CHST9: variants seen among roughly 807,000 people sequenced by gnomAD.
CHST9 encodes the protein GalNAc-4-sulfotransferase 2.
CHST9 carries 41 observed loss-of-function variants against 44.4 expected under a neutral mutation model. The observed-to-expected ratio is 0.92, with a 90% CI of 0.72 to 1.20. The LOEUF is 1.20. Ranked by LOEUF, CHST9 falls within the 50% of genes most tolerant of loss-of-function variation. CHST9 has a pLI of 0.00. For missense variants in CHST9, 504 were observed against 516.5 expected, an observed-to-expected ratio of 0.98 and a Z score of 0.23; for synonymous variants, 171 against 178.4, an observed-to-expected ratio of 0.96 and a Z score of 0.33.
intron 1 of CHST9, among the ~76,000 whole-genome samples, chr18:27,173,873 T>G (rs549010732): frequency 7.7e-4 from 117 of 152,158 alleles, no homozygotes; most frequent in Middle Eastern, 3.4e-3. Context: ...AAGTGGCATA[T>G]AATCTCTTTA....
At chr18:26,982,225 G>C (rs1367558344) in intron 4 of CHST9, among the ~76,000 whole-genome samples, 2 of 152,154 alleles carry the variant, frequency 1.3e-5, no homozygotes, top group Non-Finnish European at 1.5e-5. Flanking sequence ...TAATTAAGAA[G>C]GGAAGAAACT....
intron 1 of CHST9, among the ~76,000 whole-genome samples, chr18:27,154,359 G>C (rs914516249): frequency 2.6e-5 from 4 of 151,956 alleles, no homozygotes; most frequent in African/African-American, 7.3e-5. Flanking sequence ...CAGAGTTCAG[G>C]GAGAGATGAG....
At chr18:27,000,662 A>ATCTC (rs1373727758) in intron 4 of CHST9, among the ~76,000 whole-genome samples, 30 of 131,698 alleles carry the variant, frequency 2.3e-4, no homozygotes, top group Admixed American at 8.1e-4. Context: ...CTATCTCTCT[A>ATCTC]TCTATCTATT....
intron 1 of CHST9, among the ~76,000 whole-genome samples, chr18:27,170,772 T>C (rs1033064432): frequency 6.6e-6 from 1 of 152,124 alleles, no homozygotes; most frequent in Non-Finnish European, 1.5e-5. Flanking sequence ...TGCTAAATCG[T>C]GTAAAATCTA....
At chr18:26,925,655 G>A (rs163228) in intron 5 of CHST9, among the ~76,000 whole-genome samples, 64,503 of 152,036 alleles carry the variant, frequency 0.42, 14,187 homozygotes, top group East Asian at 0.71. Flanking sequence ...TTCTCTCTGG[G>A]TGACCTCGGT....
At chr18:27,173,691 T>G (rs1008879038) in intron 1 of CHST9, among the ~76,000 whole-genome samples, 1 of 152,114 alleles carries the variant, frequency 6.6e-6, no homozygotes, top group African/African-American at 2.4e-5. Context: ...AATTAAGATA[T>G]TTAGATACTT....
chr18:26,924,734 C>T (rs2055731092), intron 5 of CHST9: 2 of 160,032 alleles, frequency 1.2e-5, no homozygotes, highest in African/African-American at 4.8e-5. Context: ...TGTGCCACAG[C>T]TACTCCTCTT....
chr18:27,111,842 T>A (rs1294830195), intron 2 of CHST9, among the ~76,000 whole-genome samples: 1 of 152,150 alleles, frequency 6.6e-6, no homozygotes, highest in Admixed American at 6.5e-5. Flanking sequence ...AAAGGTTGAC[T>A]TTGCTCTTAG....
chr18:27,101,853 CT>C (rs1201568660), intron 2 of CHST9, among the ~76,000 whole-genome samples: 2 of 152,156 alleles, frequency 1.3e-5, no homozygotes, highest in African/African-American at 4.8e-5. Context: ...ATCAAAATCG[CT>C]CCAAATTTCT....
chr18:27,092,720 G>T (rs2058081094), intron 2 of CHST9, among the ~76,000 whole-genome samples: 1 of 152,144 alleles, frequency 6.6e-6, no homozygotes, highest in Non-Finnish European at 1.5e-5. Context: ...AGTCATTCAG[G>T]AGCAGGTTGT....
intron 2 of CHST9, among the ~76,000 whole-genome samples, chr18:27,116,734 A>G (rs1033001945): frequency 6.6e-6 from 1 of 152,146 alleles, no homozygotes; most frequent in Non-Finnish European, 1.5e-5. Flanking sequence ...TGATCATTAG[A>G]TATCTTTCCA....
intron 5 of CHST9, chr18:26,936,687 A>G (rs2055998538): frequency 6.6e-6 from 1 of 152,146 alleles, no homozygotes; most frequent in Non-Finnish European, 1.5e-5. Flanking sequence ...CATTTCAGTT[A>G]CTCAGTTCAT....
chr18:26,958,671 A>G (rs1388221055), intron 4 of CHST9, among the ~76,000 whole-genome samples: 1 of 152,212 alleles, frequency 6.6e-6, no homozygotes, highest in African/African-American at 2.4e-5. Context: ...TGGACAAAAG[A>G]TGTGAACAGA....
At chr18:26,967,572 T>A (rs2056483339) in intron 4 of CHST9, among the ~76,000 whole-genome samples, 1 of 152,218 alleles carries the variant, frequency 6.6e-6, no homozygotes, top group Non-Finnish European at 1.5e-5. Flanking sequence ...TTACAAGCAA[T>A]TTGTCAATGA....
chr18:26,954,644 T>C (rs1008651679), intron 4 of CHST9, among the ~76,000 whole-genome samples: 1 of 152,164 alleles, frequency 6.6e-6, no homozygotes. Context: ...TTTGCAGGTC[T>C]GGTTCTTTCA....
intron 5 of CHST9, among the ~76,000 whole-genome samples, chr18:26,928,989 A>G (rs2055827578): frequency 6.6e-6 from 1 of 152,230 alleles, no homozygotes; most frequent in Non-Finnish European, 1.5e-5. Flanking sequence ...TCCAAGAACT[A>G]TTTTGGAAAC....
intron 2 of CHST9, among the ~76,000 whole-genome samples, chr18:27,097,107 C>G (rs1180433096): frequency 6.6e-6 from 1 of 152,052 alleles, no homozygotes; most frequent in Non-Finnish European, 1.5e-5. Context: ...TCCCGGGATA[C>G]AAGGTTGGTT....
At chr18:26,958,452 T>A (rs2056356111) in intron 4 of CHST9, among the ~76,000 whole-genome samples, 5 of 138,762 alleles carry the variant, frequency 3.6e-5, no homozygotes, top group Admixed American at 7.0e-5. Flanking sequence ...CCCTCAAAAG[T>A]AACTGCAAAA....
At chr18:26,976,415 C>A (rs1017053493) in intron 4 of CHST9, among the ~76,000 whole-genome samples, 2 of 152,106 alleles carry the variant, frequency 1.3e-5, no homozygotes, top group African/African-American at 2.4e-5. Context: ...TAGCCCCAGG[C>A]CACATAACTG....
Sources: gnomAD v4.1 joint callset for allele counts (sites outside exome capture counted in the v4.1 genomes callset) on GRCh38, gnomAD v4.1.1 for gene constraint, MANE v1.5 for transcripts, NCBI Gene and HGNC (gene_info 2026-07-23, HGNC 2026-07-21) for gene names.